The following BLTP3A variants were observed in gnomAD, a reference collection of about 807,000 sequenced individuals.
BLTP3A encodes ICBP90 binding protein 1.
At chr6:34,794,021 A>G in the BLTP3A span, among the ~76,000 whole-genome samples, 27 of 152,136 alleles carry the variant, frequency 1.8e-4, no homozygotes, top group Non-Finnish European at 2.8e-4. Context: ...TTAGCCTGGC[A>G]TGGTGGTACA....
At chr6:34,825,222 CTGAT>C in the BLTP3A span, among the ~76,000 whole-genome samples, 1 of 152,096 alleles carries the variant, frequency 6.6e-6, no homozygotes, top group African/African-American at 2.4e-5. Flanking sequence ...AAGGCTTGCC[CTGAT>C]TGATTTTGTT....
the BLTP3A span, among the ~76,000 whole-genome samples, chr6:34,853,724 C>T: frequency 1.3e-5 from 2 of 151,924 alleles, no homozygotes; most frequent in Non-Finnish European, 2.9e-5. Context: ...CCACATCCAG[C>T]TAATTTTTGT....
the BLTP3A span, chr6:34,834,392 C>A: frequency 3.7e-6 from 6 of 1,613,246 alleles, no homozygotes; most frequent in East Asian, 8.9e-5. Context: ...CATCACTGAC[C>A]CCTGCCGAGG....
chr6:34,822,041 C>A, the BLTP3A span: 1 of 1,532,214 alleles, frequency 6.5e-7, no homozygotes, highest in South Asian at 1.1e-5. Flanking sequence ...GATAGGCTAA[C>A]CCTTTTAGGA....
chr6:34,812,675 G>T, the BLTP3A span, among the ~76,000 whole-genome samples: 1,904 of 148,556 alleles, frequency 0.013, 18 homozygotes, highest in Middle Eastern at 0.024. Context: ...TCGCTTTGTT[G>T]TCCAGGCTGG....
At chr6:34,811,852 G>A in the BLTP3A span, among the ~76,000 whole-genome samples, 9 of 151,796 alleles carry the variant, frequency 5.9e-5, no homozygotes, top group African/African-American at 1.5e-4. Context: ...GTGAGACTTC[G>A]TCTCAAAAAC....
chr6:34,865,267 C>T, the BLTP3A span, among the ~76,000 whole-genome samples: 2,526 of 152,262 alleles, frequency 0.017, 31 homozygotes, highest in Middle Eastern at 0.031. Context: ...TTTTACATTC[C>T]ATGTGTAAGT....
chr6:34,857,285 C>T, the BLTP3A span: 104 of 1,611,242 alleles, frequency 6.5e-5, no homozygotes, highest in Middle Eastern at 6.6e-4. Flanking sequence ...GAGGGCTGCT[C>T]TAAGTTTGAT....
chr6:34,872,684 T>A, the BLTP3A span: 109 of 361,140 alleles, frequency 3.0e-4, no homozygotes, highest in East Asian at 4.8e-3. Flanking sequence ...AAGCATCATG[T>A]CTTGCCTGTA....
At chr6:34,856,504 C>A in the BLTP3A span, 1 of 1,466,810 alleles carries the variant, frequency 6.8e-7, no homozygotes. Flanking sequence ...AGCTAATTAT[C>A]CCAGCTGTAT....
the BLTP3A span, among the ~76,000 whole-genome samples, chr6:34,814,935 A>C: frequency 6.6e-6 from 1 of 152,168 alleles, no homozygotes; most frequent in South Asian, 2.1e-4. Context: ...TTTTGGGGGA[A>C]CTTATAATAT....
the BLTP3A span, among the ~76,000 whole-genome samples, chr6:34,798,503 G>GC: frequency 6.6e-6 from 1 of 151,876 alleles, no homozygotes; most frequent in Non-Finnish European, 1.5e-5. Flanking sequence ...ATTTCCACCA[G>GC]AAGTGTGTGA....
chr6:34,811,682 C>T, the BLTP3A span, among the ~76,000 whole-genome samples: 7 of 113,748 alleles, frequency 6.2e-5, 1 homozygote, highest in East Asian at 6.0e-4. Flanking sequence ...AGACCCCCCC[C>T]CCCGCATCTC....
At chr6:34,858,201 G>C in the BLTP3A span, 8 of 1,614,038 alleles carry the variant, frequency 5.0e-6, no homozygotes, top group Non-Finnish European at 5.9e-6. Flanking sequence ...CGTCAGGCAT[G>C]ATTGCCACCA....
the BLTP3A span, among the ~76,000 whole-genome samples, chr6:34,868,592 C>T: frequency 1.3e-5 from 2 of 151,550 alleles, no homozygotes; most frequent in African/African-American, 2.4e-5. Context: ...GGTGTGGTGG[C>T]AGGCACCTGT....
chr6:34,817,732 G>A, the BLTP3A span, among the ~76,000 whole-genome samples: 71 of 152,306 alleles, frequency 4.7e-4, 2 homozygotes, highest in South Asian at 0.015. Context: ...CTTTGTCCTA[G>A]TGGGAGAGAT....
At chr6:34,857,691 C>T in the BLTP3A span, 1 of 1,594,214 alleles carries the variant, frequency 6.3e-7, no homozygotes, top group South Asian at 1.1e-5. Flanking sequence ...TTGCTTTTTA[C>T]AGGATGTTTC....
chr6:34,810,378 C>T, the BLTP3A span, among the ~76,000 whole-genome samples: 3 of 152,212 alleles, frequency 2.0e-5, no homozygotes, highest in Admixed American at 1.3e-4. Context: ...CATCATACAA[C>T]GTTTTAAGCA....
the BLTP3A span, among the ~76,000 whole-genome samples, chr6:34,827,184 G>A: frequency 0.44 from 66,403 of 151,656 alleles, 16,331 homozygotes; most frequent in African/African-American, 0.67. Context: ...GGTGGCGCGT[G>A]CCTGTAGTCC....
Sources: gnomAD v4.1 joint callset for allele counts (sites outside exome capture counted in the v4.1 genomes callset) on GRCh38, gnomAD v4.1.1 for gene constraint, MANE v1.5 for transcripts, NCBI Gene and HGNC (gene_info 2026-07-23, HGNC 2026-07-21) for gene names.